SCN2A: variants seen among roughly 807,000 people sequenced by gnomAD.
SCN2A encodes sodium channel protein type 2 subunit alpha.
Under a neutral mutation model 188.7 loss-of-function variants are expected in SCN2A, and 20 were observed. That is an observed-to-expected ratio of 0.11 (90% CI 0.07 to 0.15). SCN2A has a LOEUF of 0.15. Among genes scored for constraint, SCN2A ranks in the 10% least tolerant of loss-of-function variants. SCN2A has a pLI of 1.00. For missense variants in SCN2A, 1,278 were observed against 2,445.0 expected (o/e 0.52, Z 10.07); for synonymous variants, 804 against 833.1 (o/e 0.97, Z 0.60).
intron 1 of SCN2A, among the ~76,000 whole-genome samples, chr2:165,265,783 T>G (rs1331636135): frequency 6.6e-6 from 1 of 151,258 alleles, no homozygotes; most frequent in Non-Finnish European, 1.5e-5. Flanking sequence ...TATTATTTCT[T>G]TTTTATTATA....
intron 1 of SCN2A, among the ~76,000 whole-genome samples, chr2:165,246,806 A>G (rs1170124139): frequency 3.3e-5 from 5 of 151,902 alleles, no homozygotes; most frequent in South Asian, 4.2e-4. Context: ...ATCATGCCAC[A>G]TGTCCCTAGA....
intron 10 of SCN2A, among the ~76,000 whole-genome samples, chr2:165,314,409 A>C (rs900415460): frequency 6.6e-6 from 1 of 152,184 alleles, no homozygotes; most frequent in Admixed American, 6.5e-5. Context: ...AAACTTGCAG[A>C]GTAGATAAAC....
At chr2:165,270,873 T>C (rs1008142226) in intron 1 of SCN2A, 7 of 152,082 alleles carry the variant, frequency 4.6e-5, no homozygotes, top group African/African-American at 1.7e-4. Context: ...AAATCCTTTT[T>C]GGGAGCAGGA....
intron 11 of SCN2A, among the ~76,000 whole-genome samples, chr2:165,319,101 GC>G (rs934247936): frequency 1.3e-5 from 2 of 152,128 alleles, no homozygotes; most frequent in African/African-American, 4.8e-5. Context: ...ATTTTGGGAG[GC>G]CGAGACGGGC....
At chr2:165,245,356 T>G (rs1293280391) in intron 1 of SCN2A, 1 of 152,208 alleles carries the variant, frequency 6.6e-6, no homozygotes, top group East Asian at 1.9e-4. Flanking sequence ...GCTTGACACT[T>G]CTCTGTCCTG....
chr2:165,365,644 A>G (rs184751578), intron 18 of SCN2A, among the ~76,000 whole-genome samples: 1 of 152,318 alleles, frequency 6.6e-6, no homozygotes, highest in Admixed American at 6.5e-5. Flanking sequence ...TTCAATAAAT[A>G]AGAAAGTGAG....
In SCN2A at chr2:165,307,911, C is replaced by A; in HGVS notation, c.450C>A (p.Asn150Lys). The change falls in exon 4 of 27, where the codon AAC becomes AAA. Residue 150 changes from asparagine to lysine, a missense_variant. Asn to Lys is a moderately conservative substitution (Grantham distance 94, BLOSUM62 0). This residue lies in a region of SCN2A where 141 missense variants were observed against 185.4 expected (regional missense o/e 0.76). Transcript: ENST00000375437. Reference sequence around the variant, plus strand: ...ACTGTGTATTTATGACCATGAGTAACCCTCCAGACTGGACAAAGAATGTGG... The same window carrying A: ...ACTGTGTATTTATGACCATGAGTAAACCTCCAGACTGGACAAAGAATGTGG... Reference protein sequence around the residue: ...LTNCVFMTMSNPPDWTKNVEY... With the variant: ...LTNCVFMTMSKPPDWTKNVEY... The A allele has an allele frequency of 6.2e-7, 1 of 1,608,970 alleles. No individual in the cohort carries two copies. The highest frequency in any genetic ancestry group is 1.1e-5 in the South Asian group (1 of 90,954).
In SCN2A at chr2:165,252,751, G is replaced by A. The variant is rs1694149551; in HGVS notation, c.-52+13111G>A. 3.9e-5 allele frequency among the ~76,000 whole-genome samples: 6 copies of A among 152,110 alleles called. 1 individual carries two copies. In the South Asian group the frequency reaches 1.2e-3, roughly 32 times the overall value. On this transcript the variant is annotated intron_variant, in intron 1 of 26. Coordinates refer to ENST00000375437, the MANE Select transcript of SCN2A (RefSeq NM_001040142.2). Reference sequence around the variant, plus strand: ...CTCTTTTAGAGAGAGGAGTAAACAAGGCTAGAATGAACTGGATGGGGAGAA... The same window carrying A: ...CTCTTTTAGAGAGAGGAGTAAACAAAGCTAGAATGAACTGGATGGGGAGAA...
chr2:165,243,690 T>TC (rs899078744), intron 1 of SCN2A: 4 of 152,118 alleles, frequency 2.6e-5, no homozygotes, highest in African/African-American at 9.6e-5. Flanking sequence ...GTTCCTTTTT[T>TC]CTCCATTTCT....
At chr2:165,302,812 A>T (rs894050470) in intron 3 of SCN2A, among the ~76,000 whole-genome samples, 11 of 152,194 alleles carry the variant, frequency 7.2e-5, no homozygotes, top group Non-Finnish European at 1.2e-4. Flanking sequence ...TCCAGGCTCC[A>T]TGTCAAGGGC....
At chr2:165,362,690 G>A (rs1459002190) in intron 17 of SCN2A, among the ~76,000 whole-genome samples, 1 of 152,016 alleles carries the variant, frequency 6.6e-6, no homozygotes, top group Non-Finnish European at 1.5e-5. Context: ...CCATATTGGT[G>A]TATTATCCAT....
At chr2:165,346,630 T>A (rs1423897941) in intron 16 of SCN2A, among the ~76,000 whole-genome samples, 5 of 152,142 alleles carry the variant, frequency 3.3e-5, no homozygotes. Context: ...CTAAAGAGCT[T>A]CTGCACAGCA....
intron 1 of SCN2A, 42 bp from the exon 2 acceptor site, chr2:165,295,731 A>G (rs2106148771): frequency 6.3e-7 from 1 of 1,577,474 alleles, no homozygotes; most frequent in Non-Finnish European, 8.7e-7. Flanking sequence ...ATCACCTTTT[A>G]TTCTAATGGT....
chr2:165,279,751 G>A (rs903572474), intron 1 of SCN2A, among the ~76,000 whole-genome samples: 2 of 152,080 alleles, frequency 1.3e-5, no homozygotes, highest in East Asian at 1.9e-4. Context: ...AGTGGAAGGA[G>A]GAGGGAGATA....
chr2:165,316,898 G>A (rs1697783303), intron 11 of SCN2A, among the ~76,000 whole-genome samples: 1 of 151,966 alleles, frequency 6.6e-6, no homozygotes, highest in African/African-American at 2.4e-5. Context: ...ATCTTTGAGT[G>A]TCTTGTTCAT....
intron 15 of SCN2A, among the ~76,000 whole-genome samples, chr2:165,343,530 C>T (rs1189373900): frequency 6.6e-6 from 1 of 152,164 alleles, no homozygotes; most frequent in East Asian, 1.9e-4. Flanking sequence ...CTTAGTGTGT[C>T]AGGCTCTTTT....
chr2:165,321,191 T>C (rs921712881), intron 11 of SCN2A, among the ~76,000 whole-genome samples: 1 of 152,228 alleles, frequency 6.6e-6, no homozygotes, highest in African/African-American at 2.4e-5. Context: ...TGCTAAAATA[T>C]AACAAGAGTC....
intron 13 of SCN2A, among the ~76,000 whole-genome samples, chr2:165,329,753 C>G (rs773211236): frequency 8.5e-5 from 13 of 152,064 alleles, no homozygotes; most frequent in Non-Finnish European, 1.8e-4. Flanking sequence ...ATAATACCTC[C>G]TTTTTACCTT....
chr2:165,301,189 T>C (rs1408039441), intron 3 of SCN2A, among the ~76,000 whole-genome samples: 3 of 152,172 alleles, frequency 2.0e-5, no homozygotes, highest in African/African-American at 4.8e-5. Flanking sequence ...GATCAAGATC[T>C]TGGTTTTGAA....
Sources: allele counts gnomAD v4.1 joint callset (sites outside exome capture counted in the v4.1 genomes callset), GRCh38; gene constraint gnomAD v4.1.1; regional missense constraint gnomAD v4.1.1; transcripts MANE v1.5; gene names NCBI Gene and HGNC (gene_info 2026-07-23, HGNC 2026-07-21).